The following HMGCLL1 variants were observed in gnomAD, a reference collection of about 807,000 sequenced individuals.
The protein encoded by HMGCLL1 is 3-hydroxy-3-methylglutaryl-CoA lyase like 1, also known as 3-hydroxymethyl-3-methylglutaryl-CoA lyase, cytoplasmic.
In HMGCLL1, 36 loss-of-function variants were observed where a neutral mutation model predicts 39.1. The observed-to-expected ratio is 0.92, with a 90% CI of 0.71 to 1.22. HMGCLL1 has a LOEUF of 1.22. HMGCLL1 is among the 50% of genes most tolerant of loss of function. The probability of loss-of-function intolerance (pLI) is 0.00; values close to 1 mark genes in which losing one functional copy is unlikely to be tolerated. For synonymous variants in HMGCLL1, 149 were observed against 144.0 expected (o/e 1.03, Z -0.25); for missense variants, 451 against 416.5 (o/e 1.08, Z -0.72).
At chr6:55,671,927 G>C in the HMGCLL1 span, among the ~76,000 whole-genome samples, 5 of 151,770 alleles carry the variant, frequency 3.3e-5, no homozygotes, top group South Asian at 1.0e-3. Flanking sequence ...ACAAAAGAAA[G>C]TGAAGAATAT....
At chr6:55,485,428 T>C (rs1765974145) in intron 7 of HMGCLL1, among the ~76,000 whole-genome samples, 2 of 152,052 alleles carry the variant, frequency 1.3e-5, no homozygotes, top group Admixed American at 6.6e-5. Flanking sequence ...CTGATAGTAG[T>C]AAGCATTCAA....
chr6:55,527,097 C>A (rs2127445871), intron 3 of HMGCLL1, among the ~76,000 whole-genome samples: 1 of 152,184 alleles, frequency 6.6e-6, no homozygotes, highest in Non-Finnish European at 1.5e-5. Flanking sequence ...ATATCTTCTA[C>A]CTTCTATATC....
chr6:55,653,156 A>C, the HMGCLL1 span, among the ~76,000 whole-genome samples: 7 of 152,030 alleles, frequency 4.6e-5, no homozygotes, highest in African/African-American at 1.4e-4. Context: ...GAAACAAAAA[A>C]CCGGCTTTCC....
chr6:55,630,684 T>A, the HMGCLL1 span, among the ~76,000 whole-genome samples: 1 of 152,014 alleles, frequency 6.6e-6, no homozygotes, highest in Non-Finnish European at 1.5e-5. Flanking sequence ...CTTTCCATGC[T>A]TATTCACTAC....
At chr6:55,510,928 A>G (rs1767426203) in intron 5 of HMGCLL1, among the ~76,000 whole-genome samples, 1 of 151,752 alleles carries the variant, frequency 6.6e-6, no homozygotes, top group African/African-American at 2.4e-5. Context: ...ACTCTCACAA[A>G]GAGTGAGCAT....
chr6:55,480,967 T>C (rs1231658728), intron 7 of HMGCLL1, among the ~76,000 whole-genome samples: 1 of 152,000 alleles, frequency 6.6e-6, no homozygotes, highest in Non-Finnish European at 1.5e-5. Context: ...AGAACAATGA[T>C]TACCAGAGGC....
chr6:55,437,125 AAAG>A (rs1471383562), intron 8 of HMGCLL1, among the ~76,000 whole-genome samples: 2 of 152,006 alleles, frequency 1.3e-5, no homozygotes, highest in Non-Finnish European at 2.9e-5. Flanking sequence ...ATATCGCACC[AAAG>A]AAGAATTTTG....
the HMGCLL1 span, among the ~76,000 whole-genome samples, chr6:55,588,748 C>T: frequency 6.6e-6 from 1 of 152,048 alleles, no homozygotes; most frequent in Admixed American, 6.6e-5. Flanking sequence ...CACAGAGATA[C>T]AAACTACCAT....
the HMGCLL1 span, among the ~76,000 whole-genome samples, chr6:55,590,746 A>C: frequency 6.6e-6 from 1 of 151,916 alleles, no homozygotes; most frequent in East Asian, 1.9e-4. Context: ...TAAGCACATA[A>C]ATTTTAACAT....
intron 7 of HMGCLL1, among the ~76,000 whole-genome samples, chr6:55,448,276 T>C (rs1581791044): frequency 2.6e-5 from 4 of 151,020 alleles, no homozygotes; most frequent in Non-Finnish European, 5.9e-5. Flanking sequence ...AGATTGGCTA[T>C]CATGAAATAG....
intron 1 of HMGCLL1, among the ~76,000 whole-genome samples, chr6:55,553,248 CGTGTGTGTGT>C (rs70986735): frequency 7.0e-6 from 1 of 143,636 alleles, no homozygotes; most frequent in Non-Finnish European, 1.5e-5. Context: ...TACATATATA[CGTGTGTGTGT>C]GTGTGTGTGT....
intron 7 of HMGCLL1, among the ~76,000 whole-genome samples, chr6:55,466,012 A>G (rs528161235): frequency 1.3e-5 from 2 of 152,218 alleles, no homozygotes; most frequent in South Asian, 4.1e-4. Context: ...TTCCAAAGAC[A>G]TATCAAGGTA....
chr6:55,675,853 G>T, the HMGCLL1 span, among the ~76,000 whole-genome samples: 1 of 151,948 alleles, frequency 6.6e-6, no homozygotes, highest in Admixed American at 6.6e-5. Flanking sequence ...CGTTCTTTGT[G>T]TTTGTGTGTG....
intron 7 of HMGCLL1, among the ~76,000 whole-genome samples, chr6:55,486,070 G>A (rs1392797255): frequency 6.7e-6 from 1 of 149,096 alleles, no homozygotes; most frequent in Non-Finnish European, 1.5e-5. Flanking sequence ...CTATGTCGGT[G>A]TATACACACA....
the HMGCLL1 span, among the ~76,000 whole-genome samples, chr6:55,642,012 C>T: frequency 1.4e-5 from 2 of 139,784 alleles, no homozygotes; most frequent in East Asian, 2.1e-4. Context: ...CACCCACTAA[C>T]TCGTCATCTA....
the HMGCLL1 span, among the ~76,000 whole-genome samples, chr6:55,591,617 C>T: frequency 6.6e-6 from 1 of 150,618 alleles, no homozygotes; most frequent in Admixed American, 6.6e-5. Flanking sequence ...AATACATTTT[C>T]CCACATATCA....
At chr6:55,543,445 T>TATATATCATATATC (rs1769719765) in intron 1 of HMGCLL1, among the ~76,000 whole-genome samples, 1 of 6,230 alleles carries the variant, frequency 1.6e-4, no homozygotes, top group African/African-American at 2.9e-4. Flanking sequence ...TCATATATGA[T>TATATATCATATATC]ATATATGATA....
intron 1 of HMGCLL1, among the ~76,000 whole-genome samples, chr6:55,550,284 C>T (rs1770257484): frequency 6.6e-6 from 1 of 151,810 alleles, no homozygotes; most frequent in Non-Finnish European, 1.5e-5. Context: ...GAGAAATTCT[C>T]AGAAACTAAA....
chr6:55,449,458 G>A (rs1010716117), intron 7 of HMGCLL1, among the ~76,000 whole-genome samples: 20 of 152,168 alleles, frequency 1.3e-4, no homozygotes, highest in African/African-American at 4.8e-4. Flanking sequence ...TCATTTACCA[G>A]GAACATGTGT....
Sources: gnomAD v4.1 joint callset for allele counts (sites outside exome capture counted in the v4.1 genomes callset) on GRCh38, gnomAD v4.1.1 for gene constraint, MANE v1.5 for transcripts, NCBI Gene and HGNC (gene_info 2026-07-23, HGNC 2026-07-21) for gene names.